PHF14: variants seen among roughly 807,000 people sequenced by gnomAD.
PHF14 encodes the protein PHD finger protein 14.
In PHF14, 55 loss-of-function variants were observed where a neutral mutation model predicts 117.9. That is an observed-to-expected ratio of 0.47 (90% CI 0.38 to 0.58). The LOEUF (loss-of-function observed/expected upper bound fraction) is 0.58, where lower values mean the gene tolerates loss of function less well. Ranked by LOEUF, PHF14 falls within the 20% of genes least tolerant of loss-of-function variation. The pLI, the probability that PHF14 is intolerant of heterozygous loss-of-function variation, is 0.00. For synonymous variants in PHF14, 409 were observed against 368.6 expected (o/e 1.11, Z -1.26); for missense variants, 978 against 1,122.2 (o/e 0.87, Z 1.84).
intron 16 of PHF14, among the ~76,000 whole-genome samples, chr7:11,079,343 A>C (rs1026825832): frequency 4.6e-5 from 7 of 152,146 alleles, no homozygotes; most frequent in African/African-American, 1.4e-4. Flanking sequence ...TTTCAGCCAG[A>C]TAACTGCTAA....
At chr7:10,980,330 C>T (rs920081860) in intron 2 of PHF14, among the ~76,000 whole-genome samples, 3 of 152,098 alleles carry the variant, frequency 2.0e-5, no homozygotes, top group Non-Finnish European at 2.9e-5. Context: ...CTTCTAGAGC[C>T]TAAGGTGTTT....
intron 16 of PHF14, chr7:11,071,418 C>T: frequency 2.7e-6 from 1 of 364,584 alleles, no homozygotes; most frequent in Non-Finnish European, 5.5e-6. Context: ...TTTCCAGTTG[C>T]ATTTTCTCTC....
At chr7:11,161,917 G>A (rs966141754) in intron 17 of PHF14, among the ~76,000 whole-genome samples, 10 of 150,540 alleles carry the variant, frequency 6.6e-5, no homozygotes, top group African/African-American at 2.4e-4. Flanking sequence ...CCAGATATTA[G>A]TAGTTTACTA....
chr7:10,996,977 T>G (rs1235650470), intron 4 of PHF14, among the ~76,000 whole-genome samples: 1 of 152,214 alleles, frequency 6.6e-6, no homozygotes, highest in Admixed American at 6.5e-5. Flanking sequence ...CACCAATGGG[T>G]GGCCAAATTA....
intron 6 of PHF14, among the ~76,000 whole-genome samples, chr7:11,025,400 C>T (rs1050500381): frequency 1.3e-5 from 2 of 152,174 alleles, no homozygotes; most frequent in Non-Finnish European, 2.9e-5. Flanking sequence ...GAAGGAAGTT[C>T]TACCATGGGT....
At chr7:11,165,765 G>T (rs895021075) in intron 17 of PHF14, among the ~76,000 whole-genome samples, 1 of 152,262 alleles carries the variant, frequency 6.6e-6, no homozygotes, top group Admixed American at 6.5e-5. Context: ...TATAAATAAA[G>T]AAAAACCGAG....
intron 16 of PHF14, among the ~76,000 whole-genome samples, chr7:11,074,468 C>T (rs1300289103): frequency 6.6e-6 from 1 of 152,120 alleles, no homozygotes; most frequent in African/African-American, 2.4e-5. Context: ...CTTCAGCCTC[C>T]CAAAGTGCTG....
At chr7:11,014,580 C>G (rs1157308537) in intron 5 of PHF14, among the ~76,000 whole-genome samples, 1 of 152,068 alleles carries the variant, frequency 6.6e-6, no homozygotes, top group African/African-American at 2.4e-5. Context: ...CACTGAGGGA[C>G]TGTGTATATA....
intron 17 of PHF14, among the ~76,000 whole-genome samples, chr7:11,161,733 AT>A (rs1219076987): frequency 7.2e-6 from 1 of 139,210 alleles, no homozygotes; most frequent in East Asian, 1.9e-4. Context: ...AAAATATTAT[AT>A]TTTATTTAAA....
intron 16 of PHF14, among the ~76,000 whole-genome samples, chr7:11,088,196 T>C (rs897681115): frequency 4.6e-5 from 7 of 152,182 alleles, no homozygotes; most frequent in African/African-American, 1.4e-4. Flanking sequence ...TAGATACTTA[T>C]TATAATACCT....
chr7:10,991,603 C>T (rs1244278069), intron 4 of PHF14, among the ~76,000 whole-genome samples: 2 of 152,032 alleles, frequency 1.3e-5, no homozygotes, highest in Non-Finnish European at 2.9e-5. Flanking sequence ...AGCCACCGCA[C>T]CTGGTCCCCC....
intron 17 of PHF14, among the ~76,000 whole-genome samples, chr7:11,168,231 GTGT>G (rs1347634877): frequency 2.0e-5 from 3 of 152,034 alleles, no homozygotes; most frequent in African/African-American, 7.2e-5. Context: ...CCCATTCCTG[GTGT>G]TCTACATATC....
chr7:11,094,406 C>A (rs73679297), intron 16 of PHF14, among the ~76,000 whole-genome samples: 2,000 of 152,192 alleles, frequency 0.013, 46 homozygotes, highest in African/African-American at 0.046. Flanking sequence ...GTTCATGACC[C>A]CCAACTTCTT....
chr7:11,160,552 A>C (rs938407119), intron 17 of PHF14, among the ~76,000 whole-genome samples: 4 of 152,140 alleles, frequency 2.6e-5, no homozygotes, highest in Non-Finnish European at 4.4e-5. Context: ...CAGCCTTCCC[A>C]GCATCGTTGT....
At chr7:11,128,866 T>C (rs769735487) in intron 17 of PHF14, among the ~76,000 whole-genome samples, 2 of 151,994 alleles carry the variant, frequency 1.3e-5, no homozygotes, top group Non-Finnish European at 2.9e-5. Context: ...CAGTTTAAAT[T>C]ATAGTTTTCT....
At chr7:11,092,807 T>C (rs550346006) in intron 16 of PHF14, among the ~76,000 whole-genome samples, 2 of 152,290 alleles carry the variant, frequency 1.3e-5, no homozygotes, top group South Asian at 4.1e-4. Flanking sequence ...TACAGTTGTC[T>C]TGGCCAAAAT....
At position 11,169,433 on chromosome 7, in the gene PHF14, T is replaced by C. The variant is rs1293559301; in HGVS notation, c.2790T>C (p.Ala930=). ...TTTCACAGGAAGATGAAAATGAAGC[T>C]GAAAGAAAAAATATATCTCAGGAGC... ...SSSSKEDENE[A]ERKNISQELN... The change falls in exon 18 of 18, where the codon GCT becomes GCC. Residue 930 remains alanine (A), a synonymous_variant. Transcript: ENST00000634607. 6.8e-7 allele frequency: 1 copy of C among 1,478,476 alleles called. No homozygotes were observed. The highest frequency in any genetic ancestry group is 1.3e-5 in the South Asian group (1 of 76,784). 91.6% of individuals were successfully genotyped at this position (1,478,476 alleles called of 1,614,324 possible).
intron 16 of PHF14, among the ~76,000 whole-genome samples, chr7:11,082,070 G>T (rs1228159077): frequency 6.6e-6 from 1 of 152,040 alleles, no homozygotes; most frequent in East Asian, 1.9e-4. Context: ...CAATTTGAGT[G>T]CAGTGGCTCA....
At chr7:11,048,563 C>G (rs1438515627) in intron 13 of PHF14, among the ~76,000 whole-genome samples, 1 of 152,152 alleles carries the variant, frequency 6.6e-6, no homozygotes. Flanking sequence ...TAGTGCAAGA[C>G]TCTGTCTGAA....
Sources: gnomAD v4.1 joint callset for allele counts (sites outside exome capture counted in the v4.1 genomes callset) on GRCh38, gnomAD v4.1.1 for gene constraint, MANE v1.5 for transcripts, NCBI Gene and HGNC (gene_info 2026-07-23, HGNC 2026-07-21) for gene names.